LOC128462377: variants seen among roughly 807,000 people sequenced by gnomAD.
chr16:89,329,730 A>G, the LOC128462377 span, among the ~76,000 whole-genome samples: 2 of 152,220 alleles, frequency 1.3e-5, no homozygotes, highest in Non-Finnish European at 2.9e-5. Context: ...AACATTAAAT[A>G]TAAAATGAGA....
chr16:89,389,364 A>T, the LOC128462377 span, among the ~76,000 whole-genome samples: 1 of 152,192 alleles, frequency 6.6e-6, no homozygotes, highest in Admixed American at 6.6e-5. Flanking sequence ...CAAAAATAAA[A>T]AGTATATTGA....
chr16:89,367,654 C>T, the LOC128462377 span, among the ~76,000 whole-genome samples: 1 of 152,288 alleles, frequency 6.6e-6, no homozygotes, highest in South Asian at 2.1e-4. Context: ...CCTCCCTTGA[C>T]CAGGAAAGCT....
At chr16:89,333,355 C>A in the LOC128462377 span, among the ~76,000 whole-genome samples, 3 of 152,294 alleles carry the variant, frequency 2.0e-5, no homozygotes. Context: ...CAGCTGAGAC[C>A]CCCCTGGACA....
At chr16:89,358,035 C>G in the LOC128462377 span, among the ~76,000 whole-genome samples, 3 of 152,194 alleles carry the variant, frequency 2.0e-5, no homozygotes, top group Non-Finnish European at 2.9e-5. Flanking sequence ...AAGACTGAAC[C>G]CTCTTACTGC....
the LOC128462377 span, among the ~76,000 whole-genome samples, chr16:89,396,552 T>C: frequency 6.6e-6 from 1 of 152,182 alleles, no homozygotes; most frequent in African/African-American, 2.4e-5. Context: ...TTTTTTTGTA[T>C]ACTTCAACTA....
chr16:89,408,316 T>C, the LOC128462377 span, among the ~76,000 whole-genome samples: 32 of 152,150 alleles, frequency 2.1e-4, no homozygotes, highest in Admixed American at 1.1e-3. Flanking sequence ...ACCACAGACA[T>C]GGTGACCAGG....
chr16:89,352,746 G>T, the LOC128462377 span, among the ~76,000 whole-genome samples: 1 of 152,214 alleles, frequency 6.6e-6, no homozygotes, highest in African/African-American at 2.4e-5. Context: ...CTCTGAAAAT[G>T]TGTGTGCTCA....
the LOC128462377 span, among the ~76,000 whole-genome samples, chr16:89,374,306 T>A: frequency 6.6e-6 from 1 of 152,018 alleles, no homozygotes; most frequent in Non-Finnish European, 1.5e-5. Context: ...AGAGCCGAGG[T>A]CAGCGAGTTA....
chr16:89,385,633 T>C, the LOC128462377 span, among the ~76,000 whole-genome samples: 2 of 152,212 alleles, frequency 1.3e-5, no homozygotes. Flanking sequence ...CGATGATGCA[T>C]TTCCACATTT....
the LOC128462377 span, among the ~76,000 whole-genome samples, chr16:89,342,153 T>A: frequency 6.6e-6 from 1 of 152,192 alleles, no homozygotes; most frequent in African/African-American, 2.4e-5. Context: ...CCCTTCTAGA[T>A]CTTGGCGTCT....
chr16:89,346,317 T>C, the LOC128462377 span, among the ~76,000 whole-genome samples: 2 of 150,656 alleles, frequency 1.3e-5, no homozygotes, highest in Non-Finnish European at 2.9e-5. Flanking sequence ...GAGCAGATAT[T>C]AAAGTGCCTT....
At chr16:89,334,769 C>CA in the LOC128462377 span, among the ~76,000 whole-genome samples, 3 of 152,112 alleles carry the variant, frequency 2.0e-5, no homozygotes, top group African/African-American at 7.2e-5. Flanking sequence ...CCTCAAACTG[C>CA]AAAAAGCCCA....
chr16:89,415,852 A>AAAAAAAAAAAAAAAAAAAAAAAAG, the LOC128462377 span, among the ~76,000 whole-genome samples: 1 of 147,366 alleles, frequency 6.8e-6, no homozygotes, highest in Non-Finnish European at 1.5e-5. Context: ...AAAAAAAAAC[A>AAAAAAAAAAAAAAAAAAAAAAAAG]ATGGAGAACC....
chr16:89,346,106 G>A, the LOC128462377 span, among the ~76,000 whole-genome samples: 9 of 151,898 alleles, frequency 5.9e-5, no homozygotes, highest in South Asian at 4.2e-4. Flanking sequence ...AAAATTAGCC[G>A]GGCGTGGTGC....
chr16:89,406,045 G>C, the LOC128462377 span, among the ~76,000 whole-genome samples: 1 of 151,144 alleles, frequency 6.6e-6, no homozygotes, highest in Non-Finnish European at 1.5e-5. Flanking sequence ...CGAAGGCAGA[G>C]GCTGCAGTGA....
chr16:89,384,659 G>A, the LOC128462377 span, among the ~76,000 whole-genome samples: 1 of 152,194 alleles, frequency 6.6e-6, no homozygotes, highest in African/African-American at 2.4e-5. Context: ...GGCTTCAAAG[G>A]AGCTGCGAAG....
At chr16:89,397,344 G>A in the LOC128462377 span, among the ~76,000 whole-genome samples, 1 of 152,256 alleles carries the variant, frequency 6.6e-6, no homozygotes, top group Non-Finnish European at 1.5e-5. Flanking sequence ...CGTAAGTGCT[G>A]TCAACTGGAT....
At chr16:89,387,741 G>A in the LOC128462377 span, among the ~76,000 whole-genome samples, 2 of 148,260 alleles carry the variant, frequency 1.3e-5, no homozygotes, top group African/African-American at 2.5e-5. Flanking sequence ...GGTAGCTTGC[G>A]CCTGTAATCC....
chr16:89,382,381 A>G, the LOC128462377 span, among the ~76,000 whole-genome samples: 94 of 152,130 alleles, frequency 6.2e-4, 1 homozygote, highest in African/African-American at 1.9e-3. Context: ...GCTGGAGGGC[A>G]ATGGTGCAAT....
Sources: gnomAD v4.1 joint callset for allele counts (sites outside exome capture counted in the v4.1 genomes callset) on GRCh38, gnomAD v4.1.1 for gene constraint, MANE v1.5 for transcripts.